HTT: variants seen among roughly 807,000 people sequenced by gnomAD.
The protein encoded by HTT is huntingtin.
Under a neutral mutation model 362.3 loss-of-function variants are expected in HTT, and 104 were observed. The ratio of observed to expected loss-of-function variants is 0.29; its 90% CI spans 0.24 to 0.34. HTT has a LOEUF of 0.34. HTT is among the 10% of genes least tolerant of loss of function. The pLI, the probability that HTT is intolerant of heterozygous loss-of-function variation, is 1.00. For missense variants in HTT, 3,301 were observed against 3,928.6 expected (o/e 0.84, Z 4.27); for synonymous variants, 1,577 against 1,548.7 (o/e 1.02, Z -0.43).
intron 33 of HTT, among the ~76,000 whole-genome samples, chr4:3,176,797 G>A (rs1176099898): frequency 6.6e-6 from 1 of 152,182 alleles, no homozygotes; most frequent in African/African-American, 2.4e-5. Flanking sequence ...CTGTATGTTT[G>A]CATTCTGCCC....
intron 1 of HTT, among the ~76,000 whole-genome samples, chr4:3,077,320 A>G (rs1712611084): frequency 6.6e-6 from 1 of 152,140 alleles, no homozygotes; most frequent in Non-Finnish European, 1.5e-5. Flanking sequence ...CCCAAGAACA[A>G]GCACTATTTC....
At chr4:3,142,092 C>T (rs1716375500) in intron 22 of HTT, among the ~76,000 whole-genome samples, 1 of 152,212 alleles carries the variant, frequency 6.6e-6, no homozygotes, top group South Asian at 2.1e-4. Context: ...CAGCAGGCCT[C>T]TTGACAATTC....
intron 39 of HTT, 197 bp downstream of exon 39, chr4:3,188,083 C>T (rs1293639863): frequency 7.3e-6 from 4 of 544,796 alleles, no homozygotes; most frequent in South Asian, 6.4e-5. Context: ...GAAGTTCTGT[C>T]ATGTTCTGTC....
rs1171938876 is a variant in HTT at position 3,204,022 on chromosome 4, C to T, written c.5592C>T (p.Ser1864=). ...CTCCTTCTAGAAGACACAGTCTGTC[C>T]AGCACAAAGTTACTTAGTCCCCAGA... ...VQQTPKRHSL[S]STKLLSPQMS... is the part of the protein sequence containing the mutation. The change falls in exon 42 of 67, where the codon TCC becomes TCT. Residue 1864 remains serine (S), a synonymous_variant. Coordinates refer to ENST00000355072, the MANE Select transcript of HTT (RefSeq NM_001388492.1). 1 of 1,614,174 alleles carries T rather than the reference C, an allele frequency of 6.2e-7. No individual in the cohort carries two copies. The highest frequency in any genetic ancestry group is 8.5e-7 in the Non-Finnish European group (1 of 1,180,004).
At chr4:3,229,693 A>G (rs1255876428) in intron 59 of HTT, among the ~76,000 whole-genome samples, 194 bp from the exon 60 acceptor site, 1 of 151,896 alleles carries the variant, frequency 6.6e-6, no homozygotes. Flanking sequence ...CACACCATAC[A>G]TGCACCACGT....
At chr4:3,121,642 C>G (rs1050443610) in intron 9 of HTT, 1 of 384,338 alleles carries the variant, frequency 2.6e-6, no homozygotes, top group Non-Finnish European at 4.8e-6. Context: ...TTGGAAGGAT[C>G]GCTTCAGCCC....
At chr4:3,185,211 T>C (rs998129982) in intron 37 of HTT, among the ~76,000 whole-genome samples, 1 of 152,150 alleles carries the variant, frequency 6.6e-6, no homozygotes, top group Non-Finnish European at 1.5e-5. Flanking sequence ...GTTTACGCAC[T>C]GAGGGCAGAA....
chr4:3,198,387 G>A (rs1052061021), intron 40 of HTT, among the ~76,000 whole-genome samples: 38 of 151,954 alleles, frequency 2.5e-4, no homozygotes, highest in Admixed American at 1.3e-4. Flanking sequence ...ACCACACTCG[G>A]CCAATTTTTG....
chr4:3,157,264 T>C, intron 28 of HTT, 65 bp downstream of exon 28: 2 of 1,443,610 alleles, frequency 1.4e-6, no homozygotes, highest in East Asian at 2.3e-5. Flanking sequence ...GGATAGTTGA[T>C]GTTTTTCTTA....
chr4:3,165,146 C>G (rs1224419903), intron 29 of HTT, among the ~76,000 whole-genome samples: 1 of 152,166 alleles, frequency 6.6e-6, no homozygotes, highest in Non-Finnish European at 1.5e-5. Flanking sequence ...ATTTGCTTGT[C>G]TGTAAAGGAT....
chr4:3,083,290 G>A (rs1389179132), intron 1 of HTT, among the ~76,000 whole-genome samples: 1 of 152,114 alleles, frequency 6.6e-6, no homozygotes, highest in East Asian at 1.9e-4. Context: ...AGACGGTGTG[G>A]TGGGAGGATT....
chr4:3,239,308 G>A (rs933251343), intron 66 of HTT, among the ~76,000 whole-genome samples: 9 of 152,190 alleles, frequency 5.9e-5, no homozygotes, highest in Non-Finnish European at 2.9e-5. Flanking sequence ...GTGTGGCTGG[G>A]CTTCTCCTGA....
At chr4:3,134,235 G>A (rs982207792) in intron 18 of HTT, among the ~76,000 whole-genome samples, 166 bp from the exon 19 acceptor site, 1 of 152,218 alleles carries the variant, frequency 6.6e-6, no homozygotes, top group African/African-American at 2.4e-5. Flanking sequence ...CTGAGATAAA[G>A]TATTCTTAAT....
intron 6 of HTT, chr4:3,112,974 A>G: frequency 1.1e-5 from 10 of 892,830 alleles, no homozygotes; most frequent in South Asian, 5.2e-5. Flanking sequence ...TTATGATTTT[A>G]ATTTCCATTC....
At chr4:3,186,838 C>CTT (rs1160738052) in intron 38 of HTT, 119 bp downstream of exon 38, 2,967 of 249,822 alleles carry the variant, frequency 0.012, 9 homozygotes, top group African/African-American at 0.024. Context: ...TGAGAGTTTG[C>CTT]TTTTTTTTTT....
chr4:3,168,522 T>C (rs1265109919), intron 29 of HTT, among the ~76,000 whole-genome samples: 1 of 152,198 alleles, frequency 6.6e-6, no homozygotes, highest in Non-Finnish European at 1.5e-5. Flanking sequence ...TCTTGACAGG[T>C]AATGTTTTTT....
chr4:3,123,318 G>A (rs1240965341), intron 10 of HTT: 1 of 171,590 alleles, frequency 5.8e-6, no homozygotes, highest in African/African-American at 2.4e-5. Flanking sequence ...GTAAAGACAT[G>A]AGCTACTGGC....
At chr4:3,213,065 G>T in intron 49 of HTT, 1 of 239,644 alleles carries the variant, frequency 4.2e-6, no homozygotes, top group Non-Finnish European at 8.2e-6. Context: ...TTGTGTTAGT[G>T]CTTGTAATTC....
intron 1 of HTT, among the ~76,000 whole-genome samples, chr4:3,076,198 A>G (rs1016955903): frequency 1.3e-5 from 2 of 152,168 alleles, no homozygotes; most frequent in African/African-American, 2.4e-5. Context: ...AAGAGAGACC[A>G]TTAAAACATC....
Sources: allele counts gnomAD v4.1 joint callset (sites outside exome capture counted in the v4.1 genomes callset), GRCh38; gene constraint gnomAD v4.1.1; transcripts MANE v1.5; gene names NCBI Gene and HGNC (gene_info 2026-07-23, HGNC 2026-07-21).